The following KCNAB1 variants were observed in gnomAD, a reference collection of about 807,000 sequenced individuals.
KCNAB1 encodes voltage-gated potassium channel subunit beta-1.
KCNAB1 carries 35 observed loss-of-function variants against 64.6 expected under a neutral mutation model. That is an observed-to-expected ratio of 0.54 (90% confidence interval 0.41 to 0.72). The LOEUF is 0.72. Ranked by LOEUF, KCNAB1 falls within the 30% of genes least tolerant of loss-of-function variation. KCNAB1 has a pLI of 0.00. For synonymous variants in KCNAB1, 177 were observed against 183.8 expected, an observed-to-expected ratio of 0.96 and a Z score of 0.30; for missense variants, 401 against 512.9, an observed-to-expected ratio of 0.78 and a Z score of 2.11.
intron 1 of KCNAB1, among the ~76,000 whole-genome samples, chr3:156,327,394 A>C (rs1413698798): frequency 6.6e-6 from 1 of 152,180 alleles, no homozygotes; most frequent in African/African-American, 2.4e-5. Flanking sequence ...CCATAATGAG[A>C]TAGATCAGGA....
chr3:156,344,540 A>G (rs1053795626), intron 1 of KCNAB1, among the ~76,000 whole-genome samples: 1 of 152,210 alleles, frequency 6.6e-6, no homozygotes, highest in African/African-American at 2.4e-5. Flanking sequence ...CCTTTACTAA[A>G]AGCCAGAGCA....
intron 7 of KCNAB1, among the ~76,000 whole-genome samples, chr3:156,466,788 A>G (rs1057327465): frequency 6.6e-6 from 1 of 152,124 alleles, no homozygotes; most frequent in African/African-American, 2.4e-5. Flanking sequence ...ACCATTATGT[A>G]ATAAAGTACT....
chr3:156,152,717 C>A (rs1268004980), intron 1 of KCNAB1, among the ~76,000 whole-genome samples: 1 of 152,180 alleles, frequency 6.6e-6, no homozygotes, highest in Non-Finnish European at 1.5e-5. Flanking sequence ...TGTAACAGGT[C>A]AGTGATTCAC....
intron 2 of KCNAB1, among the ~76,000 whole-genome samples, chr3:156,425,202 G>A (rs539834519): frequency 6.6e-6 from 1 of 152,208 alleles, no homozygotes; most frequent in Non-Finnish European, 1.5e-5. Flanking sequence ...TAGTAAAACT[G>A]CCAGGAAATC....
intron 1 of KCNAB1, among the ~76,000 whole-genome samples, chr3:156,308,187 C>A (rs950665430): frequency 1.3e-5 from 2 of 152,116 alleles, no homozygotes; most frequent in African/African-American, 4.8e-5. Context: ...TGAGTATCTG[C>A]GAGAAGATCA....
At chr3:156,502,631 A>G (rs910716487) in intron 8 of KCNAB1, among the ~76,000 whole-genome samples, 1 of 152,022 alleles carries the variant, frequency 6.6e-6, no homozygotes, top group African/African-American at 2.4e-5. Flanking sequence ...AAATTTTAGA[A>G]GGACAAATAA....
intron 1 of KCNAB1, among the ~76,000 whole-genome samples, chr3:156,376,020 A>G (rs750193369): frequency 6.6e-6 from 1 of 152,210 alleles, no homozygotes; most frequent in African/African-American, 2.4e-5. Context: ...GGGTTTCACC[A>G]TGTTGGCCAG....
intron 1 of KCNAB1, among the ~76,000 whole-genome samples, chr3:156,159,945 A>G (rs544951715): frequency 6.6e-6 from 1 of 152,386 alleles, no homozygotes; most frequent in East Asian, 1.9e-4. Flanking sequence ...AGAGCAGTCC[A>G]GTAGAAGAAA....
intron 8 of KCNAB1, among the ~76,000 whole-genome samples, chr3:156,481,643 G>C (rs1714813659): frequency 6.6e-6 from 1 of 152,040 alleles, no homozygotes; most frequent in South Asian, 2.1e-4. Flanking sequence ...TCCATCTCAA[G>C]TTCGTCTGTT....
intron 10 of KCNAB1, 72 bp downstream of exon 10, chr3:156,515,292 AAC>A (rs1717482689): frequency 9.1e-6 from 13 of 1,422,840 alleles, no homozygotes; most frequent in Non-Finnish European, 1.2e-5. Flanking sequence ...AAAAAATAAA[AAC>A]AGTGTTATTG....
At chr3:156,266,633 A>G (rs187677522) in intron 1 of KCNAB1, among the ~76,000 whole-genome samples, 110 of 152,346 alleles carry the variant, frequency 7.2e-4, no homozygotes, top group African/African-American at 2.5e-3. Flanking sequence ...TCACTATTGC[A>G]TAAAATTCCT....
At chr3:156,175,975 CT>C in intron 1 of KCNAB1, 1 of 1,009,514 alleles carries the variant, frequency 9.9e-7, no homozygotes. Flanking sequence ...TATTCTCCTG[CT>C]TGTGGTATCC....
chr3:156,178,209 G>A (rs1712530040), intron 1 of KCNAB1, among the ~76,000 whole-genome samples: 2 of 152,188 alleles, frequency 1.3e-5, no homozygotes, highest in Non-Finnish European at 2.9e-5. Flanking sequence ...TTTCTTGCCT[G>A]TAAAAGGAAA....
chr3:156,365,167 A>G (rs193285464), intron 1 of KCNAB1, among the ~76,000 whole-genome samples: 84 of 152,320 alleles, frequency 5.5e-4, no homozygotes, highest in Non-Finnish European at 1.2e-3. Context: ...GCATGGTTTA[A>G]AACCTTGTTC....
intron 6 of KCNAB1, 68 bp downstream of exon 6, chr3:156,463,814 T>TA: frequency 7.8e-7 from 1 of 1,276,836 alleles, no homozygotes; most frequent in Non-Finnish European, 1.1e-6. Context: ...TAGGCAGTTA[T>TA]TTTACATATA....
intron 8 of KCNAB1, among the ~76,000 whole-genome samples, chr3:156,489,169 C>T (rs151306603): frequency 4.1e-4 from 63 of 151,988 alleles, no homozygotes; most frequent in Non-Finnish European, 5.4e-4. Context: ...TGTCTGCATG[C>T]GAATGGTATT....
chr3:156,435,134 A>G (rs111823169), intron 2 of KCNAB1, among the ~76,000 whole-genome samples: 18 of 152,246 alleles, frequency 1.2e-4, no homozygotes, highest in African/African-American at 4.1e-4. Context: ...ATAGAGAGTC[A>G]TCAAACATCT....
intron 8 of KCNAB1, among the ~76,000 whole-genome samples, chr3:156,510,559 C>G (rs1396139801): frequency 6.6e-6 from 1 of 152,116 alleles, no homozygotes; most frequent in Non-Finnish European, 1.5e-5. Context: ...CAGCTCCTGT[C>G]CTATTTCTCT....
At chr3:156,391,927 A>G (rs1713070105) in intron 1 of KCNAB1, among the ~76,000 whole-genome samples, 1 of 152,238 alleles carries the variant, frequency 6.6e-6, no homozygotes, top group Admixed American at 6.5e-5. Context: ...CTTATGGATC[A>G]TTAAAAGAAG....
Sources: gnomAD v4.1 joint callset for allele counts (sites outside exome capture counted in the v4.1 genomes callset) on GRCh38, gnomAD v4.1.1 for gene constraint, MANE v1.5 for transcripts, NCBI Gene and HGNC (gene_info 2026-07-23, HGNC 2026-07-21) for gene names.